Variants in MANBA observed in about 807,000 individuals in gnomAD.
MANBA encodes the protein mannosidase beta, also known as beta-mannosidase.
Under a neutral mutation model 111.1 loss-of-function variants are expected in MANBA, and 83 were observed. That is an observed-to-expected ratio of 0.75 (90% confidence interval 0.63 to 0.90). The LOEUF is 0.90. Ranked by LOEUF, MANBA falls within the 40% of genes least tolerant of loss-of-function variation. The probability of loss-of-function intolerance (pLI) is 0.00; values close to 1 mark genes in which losing one functional copy is unlikely to be tolerated. For synonymous variants in MANBA, 370 were observed against 378.7 expected (o/e 0.98, Z 0.27); for missense variants, 1,036 against 1,069.0 (o/e 0.97, Z 0.43).
chr4:102,740,091 A>G (rs1277029409), intron 1 of MANBA, among the ~76,000 whole-genome samples: 1 of 152,232 alleles, frequency 6.6e-6, no homozygotes, highest in Non-Finnish European at 1.5e-5. Context: ...AAATTCAGCA[A>G]AGTTTTGGGA....
chr4:102,746,025 C>T (rs867955111), intron 1 of MANBA, among the ~76,000 whole-genome samples: 1 of 152,170 alleles, frequency 6.6e-6, no homozygotes. Flanking sequence ...CAGAGGAGGC[C>T]ATCACTGTTG....
chr4:102,646,856 T>C (rs1231692329), intron 13 of MANBA, among the ~76,000 whole-genome samples: 1 of 152,132 alleles, frequency 6.6e-6, no homozygotes, highest in Non-Finnish European at 1.5e-5. Context: ...GGGATATCTT[T>C]TTGGCTATAA....
rs1327365163 is a variant in MANBA, at chr4:102,674,081, C to A, written c.961-11G>T. On this transcript the variant is annotated splice_polypyrimidine_tract_variant and intron_variant, in intron 7 of 16. Coordinates refer to ENST00000647097, the MANE Select transcript of MANBA (RefSeq NM_005908.4). ...TGTCCTAAAATAAACCTGCAATGAA[C>A]AGAATTAAATGATGAATATCAAATT... 6.3e-7 allele frequency: 1 copy of A among 1,581,500 alleles called. No homozygotes were observed. The highest frequency in any genetic ancestry group is 1.1e-5 in the South Asian group (1 of 90,098).
At chr4:102,722,170 A>G (rs1722608430) in intron 4 of MANBA, among the ~76,000 whole-genome samples, 1 of 152,154 alleles carries the variant, frequency 6.6e-6, no homozygotes, top group Admixed American at 6.5e-5. Flanking sequence ...GTAGAGTTTC[A>G]GTTTTGCAAG....
At chr4:102,727,285 C>CT (rs1249419474) in intron 1 of MANBA, 1 of 577,758 alleles carries the variant, frequency 1.7e-6, no homozygotes, top group East Asian at 3.2e-5. Flanking sequence ...GACTTCTGCT[C>CT]TTTCTGTTTG....
At chr4:102,716,818 G>C (rs1230213164) in intron 4 of MANBA, among the ~76,000 whole-genome samples, 1 of 152,198 alleles carries the variant, frequency 6.6e-6, no homozygotes, top group East Asian at 1.9e-4. Context: ...TTGTGAAATA[G>C]AACCTGAAGA....
rs1400720186 is a variant in MANBA at position 102,642,449 on chromosome 4, T to C, written c.1870-2592A>G. ...GGTGAAACCCCGTCTCTACTAAAAA[T>C]ACAAAAAATTAACCGGACGTGGTGG... is the stretch of plus-strand genomic sequence containing the variant. On this transcript the variant is annotated intron_variant, in intron 13 of 16. Coordinates refer to ENST00000647097, the MANE Select transcript of MANBA (RefSeq NM_005908.4). Among the ~76,000 whole-genome samples, 4 of 152,010 alleles carry C rather than the reference T, an allele frequency of 2.6e-5. No homozygotes were observed. In the East Asian group the frequency reaches 7.8e-4, roughly 30 times the overall value.
intron 1 of MANBA, chr4:102,728,873 C>A: frequency 1.2e-6 from 1 of 803,078 alleles, no homozygotes; most frequent in Non-Finnish European, 2.1e-6. Flanking sequence ...AGAGCCAAAG[C>A]TGGGGCTTGG....
At chr4:102,634,000 A>G (rs1235532780) in intron 16 of MANBA, among the ~76,000 whole-genome samples, 1 of 152,232 alleles carries the variant, frequency 6.6e-6, no homozygotes, top group Admixed American at 6.5e-5. Context: ...AGTGTAAAAC[A>G]AATTTAAAAT....
At chr4:102,717,251 G>A (rs140051804) in intron 4 of MANBA, among the ~76,000 whole-genome samples, 19 of 151,628 alleles carry the variant, frequency 1.3e-4, no homozygotes, top group Non-Finnish European at 2.4e-4. Context: ...AGTCAAGCAC[G>A]AAATTCAAGC....
chr4:102,663,747 T>C (rs1029937292), intron 11 of MANBA, among the ~76,000 whole-genome samples: 1 of 152,198 alleles, frequency 6.6e-6, no homozygotes, highest in Non-Finnish European at 1.5e-5. Flanking sequence ...GACACAAAAG[T>C]GTAAAGACAA....
In MANBA at chr4:102,664,670, A is replaced by C; in HGVS notation, c.1485+15T>G. 6.2e-7 allele frequency: 1 copy of C among 1,601,508 alleles called. No homozygotes were observed. Among genetic ancestry groups the C allele is most frequent in the Non-Finnish European group, 8.6e-7 (1 of 1,168,478 alleles). ...TACATTCTTAAATTCTACTGCATTA[A>C]AAATCATTACTTACTGCCAGTACGA... On this transcript the variant is annotated intron_variant, in intron 11 of 16. Transcript: ENST00000647097.
intron 13 of MANBA, among the ~76,000 whole-genome samples, chr4:102,645,180 G>A (rs182573645): frequency 4.0e-5 from 6 of 151,214 alleles, no homozygotes; most frequent in Admixed American, 6.6e-5. Context: ...TTCATATATC[G>A]AATCAATCTT....
intron 1 of MANBA, among the ~76,000 whole-genome samples, chr4:102,759,692 A>T (rs920810280): frequency 6.6e-6 from 1 of 152,172 alleles, no homozygotes; most frequent in Non-Finnish European, 1.5e-5. Flanking sequence ...TCAAAAACAC[A>T]TGATTTTTTA....
In MANBA at chr4:102,689,654, C is replaced by A. The variant is rs1369874137; in HGVS notation, c.880G>T (p.Gly294Ter). ...TTGTACCCAGTCTGGTTTCCATGTC[C>A]ATGAGGCCACCAAGTTTCTACAGTA... ...NITVETWWPH[G>*]HGNQTGYNMT... is the part of the protein sequence containing the mutation. The change falls in exon 7 of 17, where the codon GGA (glycine) becomes TGA (stop). Residue 294 changes from glycine (G) to a stop codon, truncating the protein, a stop_gained. Coordinates refer to ENST00000647097, the MANE Select transcript of MANBA (RefSeq NM_005908.4). LOFTEE classifies it high-confidence loss of function. 1 of 1,607,696 alleles carries A rather than the reference C, an allele frequency of 6.2e-7. No homozygotes were observed. The highest frequency in any genetic ancestry group is 2.2e-5 in the East Asian group (1 of 44,768).
intron 4 of MANBA, chr4:102,722,631 C>CT (rs1363406729): frequency 2.0e-6 from 1 of 502,450 alleles, no homozygotes; most frequent in African/African-American, 1.9e-5. Context: ...TTTTTCCTTT[C>CT]TTTTTCTGTT....
At chr4:102,679,232 T>C (rs1731857013) in intron 7 of MANBA, among the ~76,000 whole-genome samples, 1 of 151,980 alleles carries the variant, frequency 6.6e-6, no homozygotes, top group African/African-American at 2.4e-5. Flanking sequence ...AGTTAACAGA[T>C]TAACATTGAC....
At chr4:102,706,811 T>C (rs223510) in intron 5 of MANBA, among the ~76,000 whole-genome samples, 65,488 of 151,846 alleles carry the variant, frequency 0.43, 15,698 homozygotes, top group African/African-American at 0.65. Flanking sequence ...TCAACAATAA[T>C]TAGAGAAAGC....
At chr4:102,679,835 A>C (rs1731881635) in intron 7 of MANBA, 1 of 152,156 alleles carries the variant, frequency 6.6e-6, no homozygotes, top group Non-Finnish European at 1.5e-5. Context: ...TAATAATCCC[A>C]CATCACATTA....
Sources: gnomAD v4.1 joint callset for allele counts (sites outside exome capture counted in the v4.1 genomes callset) on GRCh38, gnomAD v4.1.1 for gene constraint, MANE v1.5 for transcripts, NCBI Gene and HGNC (gene_info 2026-07-23, HGNC 2026-07-21) for gene names.